Variants in SCYL3 observed in about 807,000 individuals in gnomAD.
SCYL3 encodes protein-associating with the carboxyl-terminal domain of ezrin.
A neutral mutation model predicts 73.8 loss-of-function variants in SCYL3; 35 were observed. That is an observed-to-expected ratio of 0.47 (90% CI 0.36 to 0.63). The LOEUF (loss-of-function observed/expected upper bound fraction) is 0.63. SCYL3 is among the 20% of genes least tolerant of loss of function. SCYL3 has a pLI of 0.00. For missense variants in SCYL3, 712 were observed against 798.9 expected (o/e 0.89, Z 1.31); for synonymous variants, 277 against 295.2 (o/e 0.94, Z 0.63).
At position 169,878,753 on chromosome 1, in the gene SCYL3, T is replaced by C; in HGVS notation, c.232A>G (p.Ile78Val). 1 of 1,614,196 alleles carries C rather than the reference T, an allele frequency of 6.2e-7. No individual in the cohort carries two copies. The highest frequency in any genetic ancestry group is 8.5e-7 in the Non-Finnish European group (1 of 1,180,026). The change falls in exon 3 of 13, where the codon ATT becomes GTT. Residue 78 changes from isoleucine to valine, a missense_variant. By Grantham distance (29) the Ile-to-Val change is conservative. Around this residue, in one of 2 missense-constraint regions of SCYL3, gnomAD observed 342 missense variants for 448.1 expected, o/e 0.76. Transcript: ENST00000367771. ...TGTACTCGCTCAGTGACAAGATGAA[T>C]GCCATCCGCTTCCACAGTACAAGAT... Reference protein sequence around the residue: ...FLSCTVEADGIHLVTERVQPL... With the variant: ...FLSCTVEADGVHLVTERVQPL...
In SCYL3 at chr1:169,849,729, T is replaced by C. The variant is rs1313564372; in HGVS notation, c.*3984A>G. 4.3e-6 allele frequency: 3 copies of C among 704,886 alleles called. No homozygotes were observed. Among genetic ancestry groups the C allele is most frequent in the African/African-American group, 3.6e-5 (2 of 55,836 alleles). The allele number at this position is 704,886 out of a possible 1,614,324, so 43.7% of individuals were successfully genotyped here. On this transcript the variant is annotated 3_prime_UTR_variant, in exon 13 of 13. Transcript: ENST00000367771. The stretch of plus-strand genomic sequence containing the variant: ...TGCAATCGGAAAATTGTCTGAAGGG[T>C]ACATTACTCGTTATCTCTTTTACAG...
chr1:169,851,609 C>T lies in SCYL3; in HGVS notation c.*2104G>A, dbSNP rs1210648654. ...AGACTATCATTTTTTCCTGCAAAGACAACTCTATAACTAACTATTTTGTAA... is the reference window on the plus strand; with the variant it reads ...AGACTATCATTTTTTCCTGCAAAGATAACTCTATAACTAACTATTTTGTAA... On this transcript the variant is annotated 3_prime_UTR_variant, in exon 13 of 13. Transcript: ENST00000367771. 3.2e-6 allele frequency: 2 copies of T among 615,738 alleles called. No homozygotes were observed. The highest frequency in any genetic ancestry group is 3.7e-5 in the African/African-American group (2 of 53,728). 38.1% of individuals were successfully genotyped at this position (615,738 alleles called of 1,614,324 possible).
intron 12 of SCYL3, 60 bp from the exon 13 acceptor site, chr1:169,853,832 C>T (rs375568158): frequency 2.2e-4 from 347 of 1,580,510 alleles, no homozygotes; most frequent in African/African-American, 6.1e-4. Context: ...AAAAATCATA[C>T]GCAAATTTGA....
chr1:169,866,260 T>G (rs10800484), intron 8 of SCYL3, among the ~76,000 whole-genome samples: 96,916 of 152,108 alleles, frequency 0.64, 31,254 homozygotes, highest in Middle Eastern at 0.77. Context: ...TTGGAGACAT[T>G]AATGCCCTTA....
At position 169,849,836 on chromosome 1, in the gene SCYL3, G is replaced by T; in HGVS notation, c.*3877C>A. The T allele has an allele frequency of 3.8e-6, 2 of 529,528 alleles. No homozygotes were observed. Among genetic ancestry groups the T allele is most frequent in the Non-Finnish European group, 6.8e-6 (2 of 295,868 alleles). 32.8% of individuals were successfully genotyped at this position (529,528 alleles called of 1,614,324 possible). ...ACAAGGACCAGAACAGGCATACACA[G>T]CAGGCCTACTGATACAGACAGACAC... On this transcript the variant is annotated 3_prime_UTR_variant, in exon 13 of 13. Transcript: ENST00000367771.
Position 169,883,061 on chromosome 1 carries a change from G to A in SCYL3, c.166-4242C>T, listed in dbSNP as rs561812136. Among the ~76,000 whole-genome samples, 18 of 152,178 alleles carry A rather than the reference G, an allele frequency of 1.2e-4. No homozygotes were observed. The South Asian group carries it at 2.3e-3, about 19-fold the overall frequency. On this transcript the variant is annotated intron_variant, in intron 2 of 12. Transcript: ENST00000367771. Reference sequence around the variant, plus strand: ...GCCTTTATGAGCTGTAACACTCACCGCGAAGGTCCACGGCTTCACTCCTGA... The same window carrying A: ...GCCTTTATGAGCTGTAACACTCACCACGAAGGTCCACGGCTTCACTCCTGA...
intron 7 of SCYL3, among the ~76,000 whole-genome samples, chr1:169,868,345 T>C (rs1045049700): frequency 6.6e-6 from 1 of 152,224 alleles, no homozygotes; most frequent in African/African-American, 2.4e-5. Flanking sequence ...GCAGAAGTTC[T>C]GCAGTCATGG....
At chr1:169,856,445 C>T (rs1250381723) in intron 11 of SCYL3, among the ~76,000 whole-genome samples, 2 of 152,116 alleles carry the variant, frequency 1.3e-5, no homozygotes, top group Non-Finnish European at 2.9e-5. Context: ...CAAGAAATGT[C>T]CTTAACAGTT....
intron 2 of SCYL3, among the ~76,000 whole-genome samples, chr1:169,886,292 CAG>C (rs34377058): frequency 0.64 from 96,481 of 151,604 alleles, 31,078 homozygotes; most frequent in Middle Eastern, 0.77. Flanking sequence ...GCCTGGGAAA[CAG>C]AGTGAGACTA....
chr1:169,858,903 GT>G, intron 11 of SCYL3, 137 bp downstream of exon 11: 2 of 723,962 alleles, frequency 2.8e-6, no homozygotes, highest in Non-Finnish European at 4.2e-6. Context: ...CCCCCGAGAA[GT>G]TCAGAAAGAG....
At position 169,854,659 on chromosome 1, in the gene SCYL3, C is replaced by T. The variant is rs764109119; in HGVS notation, c.1618G>A (p.Val540Ile). ...PGGGITATKP[V>I]TSGEQKPIPA... ...ATAGGCTTCTGCTCCCCTGAGGTAA[C>T]AGGTTTTGTAGCAGTGATTCCACCT... The change falls in exon 12 of 13, where the codon GTT becomes ATT. Residue 540 changes from valine to isoleucine, a missense_variant. By Grantham distance (29) the Val-to-Ile change is conservative. Coordinates refer to ENST00000367771, the MANE Select transcript of SCYL3 (RefSeq NM_020423.7). The T allele has an allele frequency of 6.2e-7, 1 of 1,614,070 alleles. No individual in the cohort carries two copies.
At chr1:169,862,008 TGTAAAGA>T (rs924931288) in intron 10 of SCYL3, among the ~76,000 whole-genome samples, 1 of 152,222 alleles carries the variant, frequency 6.6e-6, no homozygotes, top group African/African-American at 2.4e-5. Flanking sequence ...ACGAGAAGCT[TGTAAAGA>T]GGAGTCCCTT....
At chr1:169,855,920 C>G (rs769020961) in intron 11 of SCYL3, 2 of 1,613,804 alleles carry the variant, frequency 1.2e-6, no homozygotes, top group South Asian at 2.2e-5. Flanking sequence ...TTGGCGAGAT[C>G]TGACTGTGAT....
intron 5 of SCYL3, 134 bp downstream of exon 5, chr1:169,873,562 A>C: frequency 1.7e-6 from 1 of 581,574 alleles, no homozygotes; most frequent in South Asian, 2.6e-5. Context: ...TAATCTTAGA[A>C]AGCTTTAAGG....
intron 2 of SCYL3, among the ~76,000 whole-genome samples, chr1:169,879,040 C>A (rs1202430214): frequency 6.6e-6 from 1 of 152,180 alleles, no homozygotes; most frequent in African/African-American, 2.4e-5. Context: ...ACAGAAATTT[C>A]CAGTTCCATC....
chr1:169,888,681 C>A lies in SCYL3; in HGVS notation c.160G>T (p.Ala54Ser), dbSNP rs1030224728. 26 of 1,613,084 alleles carry A rather than the reference C, an allele frequency of 1.6e-5. No homozygotes were observed. Among genetic ancestry groups the A allele is most frequent in the Non-Finnish European group, 2.2e-5 (26 of 1,179,468 alleles). Residue 54 changes from alanine to serine, a missense_variant, in exon 2 of 13, where the codon GCC becomes TCC. By Grantham distance (99) the Ala-to-Ser change is moderately conservative. Coordinates refer to ENST00000367771, the MANE Select transcript of SCYL3 (RefSeq NM_020423.7). ...GTCGTCACCTATTATGGTACCTTGG[C>A]AGCTTTATTAACCTTGTCTTCATTT... ...RENEDKVNKAAKHLKTLRHPC... is the reference protein window; with the variant it reads ...RENEDKVNKASKHLKTLRHPC...
Position 169,868,912 on chromosome 1 carries a change from C to G in SCYL3, c.737+16G>C, listed in dbSNP as rs759779023. On this transcript the variant is annotated intron_variant, in intron 7 of 12. Transcript: ENST00000367771. ...GTTCCGGAAGCAGCTGGCGTCACCA[C>G]ACCAGATGCCCTCACCTGAAGAAGT... The G allele has an allele frequency of 6.3e-7, 1 of 1,596,474 alleles. No homozygotes were observed. Among genetic ancestry groups the G allele is most frequent in the Non-Finnish European group, 8.6e-7 (1 of 1,164,486 alleles).
At chr1:169,891,590 C>G (rs1030896824) in intron 1 of SCYL3, among the ~76,000 whole-genome samples, 6 of 152,188 alleles carry the variant, frequency 3.9e-5, no homozygotes, top group Admixed American at 2.0e-4. Context: ...CCACAAAACA[C>G]AGCTTTCCAA....
intron 2 of SCYL3, among the ~76,000 whole-genome samples, chr1:169,881,809 G>A (rs74826158): frequency 2.0e-5 from 3 of 152,054 alleles, no homozygotes; most frequent in African/African-American, 4.8e-5. Flanking sequence ...GGATTATTTC[G>A]GGATGAGACT....
Sources: allele counts gnomAD v4.1 joint callset (sites outside exome capture counted in the v4.1 genomes callset), GRCh38; gene constraint gnomAD v4.1.1; regional missense constraint gnomAD v4.1.1; transcripts MANE v1.5; gene names NCBI Gene and HGNC (gene_info 2026-07-23, HGNC 2026-07-21).